Variants in ARAP2 observed in about 807,000 individuals in gnomAD.
ARAP2 encodes arf-GAP with Rho-GAP domain, ANK repeat and PH domain-containing protein 2.
ARAP2 carries 148 observed loss-of-function variants against 194.5 expected under a neutral mutation model. The ratio of observed to expected loss-of-function variants is 0.76; its 90% CI spans 0.67 to 0.87. ARAP2 has a LOEUF of 0.87. Among genes scored for constraint, ARAP2 ranks in the 40% least tolerant of loss-of-function variants. ARAP2 has a pLI of 0.00. For missense variants in ARAP2, 2,128 were observed against 1,989.7 expected (o/e 1.07, Z -1.32); for synonymous variants, 695 against 683.5 (o/e 1.02, Z -0.26).
intron 2 of ARAP2, chr4:36,057,888 T>G (rs554117481): frequency 6.6e-5 from 10 of 151,852 alleles, no homozygotes; most frequent in Non-Finnish European, 1.5e-4. Context: ...GTCAATTGTC[T>G]TGAATTTTTT....
chr4:36,164,137 C>G (rs1246993788), intron 11 of ARAP2, among the ~76,000 whole-genome samples: 1 of 152,126 alleles, frequency 6.6e-6, no homozygotes, highest in African/African-American at 2.4e-5. Flanking sequence ...TTCCCCGCAC[C>G]AGCACAGTGC....
At chr4:36,221,375 C>T (rs945159153) in intron 2 of ARAP2, among the ~76,000 whole-genome samples, 17 of 151,980 alleles carry the variant, frequency 1.1e-4, no homozygotes, top group Admixed American at 3.3e-4. Context: ...GATTATTATC[C>T]GCATTTTTAA....
chr4:36,007,360 G>T (rs1441076133), intron 9 of ARAP2, among the ~76,000 whole-genome samples: 1 of 152,126 alleles, frequency 6.6e-6, no homozygotes, highest in Middle Eastern at 3.2e-3. Flanking sequence ...GACATCCATT[G>T]ATAAGAAGGA....
intron 5 of ARAP2, among the ~76,000 whole-genome samples, chr4:36,030,047 A>C (rs1465031977): frequency 6.6e-6 from 1 of 152,110 alleles, no homozygotes; most frequent in Non-Finnish European, 1.5e-5. Flanking sequence ...AAATTTTACT[A>C]GTCAACTCTT....
At chr4:36,078,088 G>GATT (rs1728658396) in intron 31 of ARAP2, among the ~76,000 whole-genome samples, 1 of 152,068 alleles carries the variant, frequency 6.6e-6, no homozygotes, top group Non-Finnish European at 1.5e-5. Flanking sequence ...AATTTTATCT[G>GATT]ATTACTGATT....
chr4:36,110,210 G>A (rs1381420562), intron 26 of ARAP2, among the ~76,000 whole-genome samples: 2 of 151,682 alleles, frequency 1.3e-5, no homozygotes, highest in Non-Finnish European at 2.9e-5. Flanking sequence ...TTCCCATGAT[G>A]GTTTTCTCAC....
chr4:36,082,160 T>A (rs1401095150), intron 30 of ARAP2, 91 bp downstream of exon 30: 29 of 1,212,378 alleles, frequency 2.4e-5, no homozygotes, highest in Non-Finnish European at 3.4e-5. Flanking sequence ...ACACTTTCCG[T>A]CTGTAGTTCT....
intron 2 of ARAP2, 40 bp downstream of exon 2, chr4:36,228,542 C>A: frequency 2.7e-6 from 4 of 1,500,132 alleles, no homozygotes; most frequent in Non-Finnish European, 3.6e-6. Context: ...ACTGAATTTC[C>A]TCAAATTGAA....
At chr4:36,027,348 T>C (rs1192541315) in intron 5 of ARAP2, among the ~76,000 whole-genome samples, 1 of 151,912 alleles carries the variant, frequency 6.6e-6, no homozygotes, top group African/African-American at 2.4e-5. Flanking sequence ...TGCTCCTGGC[T>C]ACCATGCTTC....
chr4:36,124,511 G>A (rs1244555680), intron 22 of ARAP2, among the ~76,000 whole-genome samples: 1 of 151,764 alleles, frequency 6.6e-6, no homozygotes, highest in African/African-American at 2.4e-5. Flanking sequence ...TAAAGGTCAG[G>A]TAAGATATAA....
intron 26 of ARAP2, among the ~76,000 whole-genome samples, chr4:36,111,814 T>G (rs1279210426): frequency 6.6e-6 from 1 of 151,962 alleles, no homozygotes; most frequent in East Asian, 1.9e-4. Context: ...CTCATCCACC[T>G]GCTTGCTCCT....
At chr4:36,229,738 A>C in intron 1 of ARAP2, 93 bp from the exon 2 acceptor site, 1 of 304,566 alleles carries the variant, frequency 3.3e-6, no homozygotes. Context: ...AGAAATTAGG[A>C]CACTAACTCT....
At chr4:36,087,227 T>C (rs893803785) in intron 28 of ARAP2, among the ~76,000 whole-genome samples, 1 of 151,992 alleles carries the variant, frequency 6.6e-6, no homozygotes, top group African/African-American at 2.4e-5. Flanking sequence ...ATCAGTAACA[T>C]GAAAAAACAA....
chr4:36,183,789 T>C (rs1299310221), intron 8 of ARAP2, among the ~76,000 whole-genome samples: 4 of 152,190 alleles, frequency 2.6e-5, no homozygotes, highest in East Asian at 1.9e-4. Context: ...CGGGGAGGGA[T>C]AGGAGCCTTA....
At chr4:36,091,066 C>T (rs1334788896) in intron 28 of ARAP2, among the ~76,000 whole-genome samples, 2 of 152,016 alleles carry the variant, frequency 1.3e-5, no homozygotes, top group Non-Finnish European at 2.9e-5. Context: ...ATAAAAAGTA[C>T]ACAAATCATA....
intron 1 of ARAP2, among the ~76,000 whole-genome samples, chr4:36,231,370 T>A (rs577983340): frequency 1.4e-3 from 219 of 151,786 alleles, no homozygotes; most frequent in African/African-American, 5.0e-3. Flanking sequence ...TAAAAAATTT[T>A]AAAAAAAGAA....
chr4:36,198,393 C>G (rs1024311852), intron 6 of ARAP2, among the ~76,000 whole-genome samples: 9 of 152,248 alleles, frequency 5.9e-5, no homozygotes, highest in African/African-American at 2.2e-4. Context: ...GCAGGACTAG[C>G]CGGCCCCTAA....
At chr4:36,197,910 C>T (rs1285083031) in intron 6 of ARAP2, among the ~76,000 whole-genome samples, 3 of 151,678 alleles carry the variant, frequency 2.0e-5, no homozygotes, top group Admixed American at 2.0e-4. Context: ...AGCCCTGCCT[C>T]AGGGAGCTTC....
At position 36,167,043 on chromosome 4, in the gene ARAP2, A is replaced by T; in HGVS notation, c.1862T>A (p.Phe621Tyr). 6.5e-7 allele frequency: 1 copy of T among 1,532,652 alleles called. No homozygotes were observed. The highest frequency in any genetic ancestry group is 8.8e-7 in the Non-Finnish European group (1 of 1,133,196). 94.9% of individuals were successfully genotyped at this position (1,532,652 alleles called of 1,614,324 possible). A position where few individuals can be genotyped will look rare whatever the true frequency, so the allele number is the denominator to read the frequency against. The change falls in exon 10 of 33, where the codon TTT (phenylalanine) becomes TAT (tyrosine). Residue 621 changes from phenylalanine to tyrosine, a missense_variant. Coordinates refer to ENST00000303965, the MANE Select transcript of ARAP2 (RefSeq NM_015230.4). ...SVWLCKNEQD[F>Y]KSGLGITIIP... is the part of the protein sequence containing the mutation. ...TATGGTAATACCAAGTCCACTCTTA[A>T]AATCCTAGTTTGGAGAAAAACATAA...
Sources: allele counts gnomAD v4.1 joint callset (sites outside exome capture counted in the v4.1 genomes callset), GRCh38; gene constraint gnomAD v4.1.1; transcripts MANE v1.5; gene names NCBI Gene and HGNC (gene_info 2026-07-23, HGNC 2026-07-21).